The following EMP2 variants were observed in gnomAD, a reference collection of about 807,000 sequenced individuals.
The protein encoded by EMP2 is epithelial membrane protein 2.
Under a neutral mutation model 13.7 loss-of-function variants are expected in EMP2, and 19 were observed. The observed-to-expected ratio is 1.38, with a 90% confidence interval of 0.97 to 2.03. The LOEUF (loss-of-function observed/expected upper bound fraction) is 2.03, where lower values mean the gene tolerates loss of function less well. EMP2 is among the 30% of genes most tolerant of loss of function. EMP2 has a pLI of 0.00. For synonymous variants in EMP2, 97 were observed against 84.7 expected, an observed-to-expected ratio of 1.15 and a Z score of -0.80; for missense variants, 253 against 220.7, an observed-to-expected ratio of 1.15 and a Z score of -0.93.
intron 3 of EMP2, among the ~76,000 whole-genome samples, chr16:10,540,524 A>AAATAAAT (rs2050687200): frequency 6.6e-6 from 1 of 151,390 alleles, no homozygotes; most frequent in African/African-American, 2.4e-5. Flanking sequence ...ATAAATAAAT[A>AAATAAAT]AACAAATAAA....
At chr16:10,547,362 C>T in intron 2 of EMP2, 178 bp downstream of exon 2, 1 of 648,658 alleles carries the variant, frequency 1.5e-6, no homozygotes, top group Non-Finnish European at 2.6e-6. Context: ...TCCTCCTTTG[C>T]CTTCTGCAGA....
Position 10,537,924 on chromosome 16 carries a change from T to C in EMP2, c.316+4A>G, listed in dbSNP as rs966994232. The C allele has an allele frequency of 5.0e-6, 8 of 1,613,870 alleles. No homozygotes were observed. The African/African-American group carries it at 6.7e-5, about 13-fold the overall frequency. The stretch of plus-strand genomic sequence containing the variant: ...TTGTTAGGGAAGCCCGTTGATGTAC[T>C]TACATGACATTAGCTGGATGATGGA... On this transcript the variant is annotated splice_donor_region_variant and intron_variant, in intron 4 of 4. Coordinates refer to ENST00000359543, the MANE Select transcript of EMP2 (RefSeq NM_001424.6).
rs199663954 is a variant in EMP2 at position 10,558,292 on chromosome 16, G to T, written c.-60-10615C>A. 3.3e-5 allele frequency among the ~76,000 whole-genome samples: 5 copies of T among 152,178 alleles called. 1 individual carries two copies. The East Asian group carries it at 9.6e-4, about 29-fold the overall frequency. ...TCCTCCCACCTTGGCCTCCCAAAGT[G>T]CTGGGATCACAGGCATGAGCCAGGG... On this transcript the variant is annotated intron_variant, in intron 1 of 4. Coordinates refer to ENST00000359543, the MANE Select transcript of EMP2 (RefSeq NM_001424.6).
At chr16:10,554,184 A>G (rs1281604840) in intron 1 of EMP2, among the ~76,000 whole-genome samples, 1 of 152,116 alleles carries the variant, frequency 6.6e-6, no homozygotes, top group Non-Finnish European at 1.5e-5. Context: ...GGCATGGGCC[A>G]CCATGCCCAG....
intron 1 of EMP2, among the ~76,000 whole-genome samples, chr16:10,554,081 G>T (rs1280618495): frequency 1.3e-5 from 2 of 150,856 alleles, no homozygotes; most frequent in Admixed American, 1.3e-4. Context: ...ACCCAGGCTG[G>T]AGTGCAGTGA....
At chr16:10,536,384 A>C (rs2050647279) in intron 4 of EMP2, among the ~76,000 whole-genome samples, 1 of 152,038 alleles carries the variant, frequency 6.6e-6, no homozygotes, top group South Asian at 2.1e-4. Context: ...CCCACATGTC[A>C]AGGACGGGGC....
At chr16:10,538,167 G>T in intron 3 of EMP2, 93 bp from the exon 4 acceptor site, 1 of 1,485,074 alleles carries the variant, frequency 6.7e-7, no homozygotes, top group Non-Finnish European at 9.2e-7. Flanking sequence ...GAGTAGGTGT[G>T]ACAGGAGGCA....
At chr16:10,536,340 C>T (rs954013527) in intron 4 of EMP2, among the ~76,000 whole-genome samples, 1 of 152,042 alleles carries the variant, frequency 6.6e-6, no homozygotes, top group African/African-American at 2.4e-5. Context: ...TTGGCTGTGT[C>T]CCCACCCCAA....
At chr16:10,556,402 C>T (rs1158978659) in intron 1 of EMP2, among the ~76,000 whole-genome samples, 2 of 152,222 alleles carry the variant, frequency 1.3e-5, no homozygotes, top group Admixed American at 6.5e-5. Context: ...CAGCCAGTCT[C>T]TCTCCTGACT....
Position 10,580,061 on chromosome 16 carries a change from A to T in EMP2, c.-61+488T>A, listed in dbSNP as rs2051016211. Among the ~76,000 whole-genome samples, 1 of 152,074 alleles carries T rather than the reference A, an allele frequency of 6.6e-6. No homozygotes were observed. Among genetic ancestry groups the T allele is most frequent in the South Asian group, 2.1e-4 (1 of 4,826 alleles). ...CCTCCACCGTTCCTGACCCCCAAGAAGTCGCTCCTCGCCGCTCGGGGGCGC... is the reference window on the plus strand; with the variant it reads ...CCTCCACCGTTCCTGACCCCCAAGATGTCGCTCCTCGCCGCTCGGGGGCGC... On this transcript the variant is annotated intron_variant, in intron 1 of 4. Coordinates refer to ENST00000359543, the MANE Select transcript of EMP2 (RefSeq NM_001424.6). The surrounding 1 kb of genome is among the most constrained non-coding windows in gnomAD (Gnocchi z 4.3).
chr16:10,533,736 G>A (rs1398889419), intron 4 of EMP2, among the ~76,000 whole-genome samples: 1 of 152,150 alleles, frequency 6.6e-6, no homozygotes, highest in Non-Finnish European at 1.5e-5. Context: ...CCTTCTTCTT[G>A]GCAATCTGGT....
At chr16:10,542,445 C>CT (rs35777113) in intron 3 of EMP2, among the ~76,000 whole-genome samples, 7 of 150,730 alleles carry the variant, frequency 4.6e-5, no homozygotes, top group African/African-American at 1.7e-4. Flanking sequence ...AAACCCTCCC[C>CT]CCCCACCAAC....
chr16:10,569,181 T>C (rs2354420), intron 1 of EMP2, among the ~76,000 whole-genome samples: 23,898 of 152,210 alleles, frequency 0.16, 2,409 homozygotes, highest in Non-Finnish European at 0.22. Flanking sequence ...GATGAGTACA[T>C]GATCCAGCAA....
At position 10,530,659 on chromosome 16, in the gene EMP2, C is replaced by G. The variant is rs1480757712; in HGVS notation, c.*2246G>C. ...AGGCCCCAAAAGCCCTATTTCTCAG[C>G]ACAGTCTTAAAATCACCTGGAAATC... is the stretch of plus-strand genomic sequence containing the variant. On this transcript the variant is annotated 3_prime_UTR_variant, in exon 5 of 5. Transcript: ENST00000359543. 1 of 152,600 alleles carries G rather than the reference C, an allele frequency of 6.6e-6. No individual in the cohort carries two copies. Among genetic ancestry groups the G allele is most frequent in the African/African-American group, 2.4e-5 (1 of 41,438 alleles). The allele number at this position is 152,600 out of a possible 1,614,324, so 9.5% of individuals were successfully genotyped here.
chr16:10,532,995 G>C lies in EMP2; in HGVS notation c.414C>G (p.Ser138Arg). The stretch of plus-strand genomic sequence containing the variant: ...ACGCCAGGATGTAGGAGTAGCCGTA[G>C]CTGCCTTCTCTGGTCACGGGATAGA... ...AKFYPVTREG[S>R]YGYSYILAWV... The change falls in exon 5 of 5, where the codon AGC becomes AGG. Residue 138 changes from serine to arginine, a missense_variant. Coordinates refer to ENST00000359543, the MANE Select transcript of EMP2 (RefSeq NM_001424.6). 6.2e-7 allele frequency: 1 copy of C among 1,612,210 alleles called. No individual in the cohort carries two copies. The highest frequency in any genetic ancestry group is 8.5e-7 in the Non-Finnish European group (1 of 1,179,274).
In EMP2 at chr16:10,529,084, G is replaced by A. The variant is rs1405626093; in HGVS notation, c.*3821C>T. On this transcript the variant is annotated 3_prime_UTR_variant, in exon 5 of 5. Coordinates refer to ENST00000359543, the MANE Select transcript of EMP2 (RefSeq NM_001424.6). ...CATTCTCCAAACTCATTTGAACAGAGACCCAAAATAATTTTAATGCAAATA... is the reference window on the plus strand; with the variant it reads ...CATTCTCCAAACTCATTTGAACAGAAACCCAAAATAATTTTAATGCAAATA... 6.6e-6 allele frequency: 1 copy of A among 152,144 alleles called. No homozygotes were observed. Among genetic ancestry groups the A allele is most frequent in the African/African-American group, 2.4e-5 (1 of 41,420 alleles). The allele number at this position is 152,144 out of a possible 1,614,324, so 9.4% of individuals were successfully genotyped here.
At chr16:10,535,773 T>C (rs553027793) in intron 4 of EMP2, among the ~76,000 whole-genome samples, 1 of 151,256 alleles carries the variant, frequency 6.6e-6, no homozygotes, top group Admixed American at 6.6e-5. Flanking sequence ...GGGTGGGGGG[T>C]CCACGCCTCT....
intron 2 of EMP2, 110 bp downstream of exon 2, chr16:10,547,430 C>A: frequency 8.6e-7 from 1 of 1,157,112 alleles, no homozygotes; most frequent in Non-Finnish European, 1.2e-6. Flanking sequence ...TTATAAATTA[C>A]CTAGTCTCTG....
chr16:10,542,225 C>G (rs2354417), intron 3 of EMP2, among the ~76,000 whole-genome samples: 1 of 151,824 alleles, frequency 6.6e-6, no homozygotes, highest in East Asian at 1.9e-4. Flanking sequence ...TGGTGAAACT[C>G]CATCTCTACA....
Sources: allele counts gnomAD v4.1 joint callset (sites outside exome capture counted in the v4.1 genomes callset), GRCh38; gene constraint gnomAD v4.1.1; non-coding constraint Gnocchi (gnomAD v3.1); transcripts MANE v1.5; gene names NCBI Gene and HGNC (gene_info 2026-07-23, HGNC 2026-07-21).